Variants in CNN1 observed in about 807,000 individuals in gnomAD.
The protein encoded by CNN1 is calponin 1.
A neutral mutation model predicts 35.3 loss-of-function variants in CNN1; 21 were observed. That is an observed-to-expected ratio of 0.60 (90% CI 0.42 to 0.86). The LOEUF (loss-of-function observed/expected upper bound fraction) is 0.86. CNN1 is among the 40% of genes least tolerant of loss of function. The pLI, the probability that CNN1 is intolerant of heterozygous loss-of-function variation, is 0.00. For missense variants in CNN1, 314 were observed against 400.8 expected (o/e 0.78, Z 1.85); for synonymous variants, 164 against 161.8 (o/e 1.01, Z -0.10).
At chr19:11,544,307 T>C (rs758849022) in intron 2 of CNN1, among the ~76,000 whole-genome samples, 38 of 151,886 alleles carry the variant, frequency 2.5e-4, no homozygotes, top group Non-Finnish European at 4.0e-4. Flanking sequence ...TCAGGGGACC[T>C]GAGGCAAAGC....
At chr19:11,547,507 G>A (rs139243406) in intron 4 of CNN1, among the ~76,000 whole-genome samples, 224 of 152,256 alleles carry the variant, frequency 1.5e-3, no homozygotes, top group African/African-American at 5.2e-3. Context: ...TCAGGAGATT[G>A]AGACCATCCT....
chr19:11,539,705 T>TGACA, intron 1 of CNN1: 1 of 743,660 alleles, frequency 1.3e-6, no homozygotes, highest in Non-Finnish European at 2.0e-6. Flanking sequence ...CTGCCCCATT[T>TGACA]GACAGAGGGG....
chr19:11,542,919 C>T (rs1377343406), intron 2 of CNN1, among the ~76,000 whole-genome samples: 1 of 152,196 alleles, frequency 6.6e-6, no homozygotes, highest in Non-Finnish European at 1.5e-5. Flanking sequence ...CCAGCCTGCG[C>T]CCGATCTGCA....
intron 2 of CNN1, among the ~76,000 whole-genome samples, chr19:11,542,966 C>T (rs544860025): frequency 8.5e-5 from 13 of 152,276 alleles, no homozygotes; most frequent in Middle Eastern, 3.4e-3. Flanking sequence ...CTGTGAGTGG[C>T]CTCGGGAAGA....
intron 1 of CNN1, 122 bp from the exon 2 acceptor site, chr19:11,540,954 T>G (rs1972447890): frequency 9.0e-7 from 1 of 1,107,658 alleles, no homozygotes; most frequent in Non-Finnish European, 1.2e-6. Flanking sequence ...CAAAATTGCC[T>G]TAGTTGGGAA....
intron 2 of CNN1, among the ~76,000 whole-genome samples, chr19:11,546,252 G>A (rs1355315030): frequency 2.6e-5 from 4 of 152,178 alleles, no homozygotes; most frequent in Non-Finnish European, 4.4e-5. Context: ...GAGAAGTGAC[G>A]CTAGGGTATG....
intron 2 of CNN1, among the ~76,000 whole-genome samples, chr19:11,544,662 GTT>G (rs745637541): frequency 0.021 from 2,761 of 131,772 alleles, 25 homozygotes; most frequent in African/African-American, 0.041. Flanking sequence ...AAGTTTTCGG[GTT>G]TTTTTTTTTT....
intron 2 of CNN1, among the ~76,000 whole-genome samples, chr19:11,543,845 A>C (rs8112501): frequency 0.19 from 28,631 of 149,748 alleles, 5,334 homozygotes; most frequent in African/African-American, 0.49. Flanking sequence ...AGCAAACCAA[A>C]ATGGCACATG....
intron 4 of CNN1, among the ~76,000 whole-genome samples, chr19:11,547,415 C>A (rs1379166525): frequency 5.5e-5 from 8 of 146,530 alleles, no homozygotes; most frequent in African/African-American, 1.5e-4. Context: ...AAACAAAAAA[C>A]AAAAAACAGT....
intron 2 of CNN1, among the ~76,000 whole-genome samples, chr19:11,543,515 T>G (rs1341963948): frequency 6.6e-6 from 1 of 150,572 alleles, no homozygotes; most frequent in East Asian, 1.9e-4. Flanking sequence ...GCGCGGTGAC[T>G]CACGTCTGTA....
In CNN1 at chr19:11,541,163, A is replaced by G; in HGVS notation, c.151A>G (p.Met51Val). Residue 51 changes from methionine (M) to valine (V), a missense_variant, in exon 2 of 7, where the codon ATG becomes GTG. By Grantham distance (21) the Met-to-Val change is conservative. Coordinates refer to ENST00000252456, the MANE Select transcript of CNN1 (RefSeq NM_001299.6). ...VTGRRIGNNF[M>V]DGLKDGIILC... ...AGGCCGTCGCATCGGCAACAACTTC[A>G]TGGACGGCCTCAAAGATGGCATCAT... 2 of 1,602,542 alleles carry G rather than the reference A, an allele frequency of 1.2e-6. No individual in the cohort carries two copies. Among genetic ancestry groups the G allele is most frequent in the Non-Finnish European group, 1.7e-6 (2 of 1,174,014 alleles).
At chr19:11,545,798 CAAA>C (rs1030710214) in intron 2 of CNN1, among the ~76,000 whole-genome samples, 7 of 58,800 alleles carry the variant, frequency 1.2e-4, no homozygotes, top group African/African-American at 2.8e-4. Flanking sequence ...CCCTCTCTAC[CAAA>C]AAAAAAAAAA....
chr19:11,543,433 C>T lies in CNN1; in HGVS notation c.185+2236C>T, dbSNP rs148302075. ...TGTATACCTATGTATCAAACCTGCACGTTGTGCATGTGTACCCTAGAACTT... is the reference window on the plus strand; with the variant it reads ...TGTATACCTATGTATCAAACCTGCATGTTGTGCATGTGTACCCTAGAACTT... On this transcript the variant is annotated intron_variant, in intron 2 of 6. Coordinates refer to ENST00000252456, the MANE Select transcript of CNN1 (RefSeq NM_001299.6). 6.7e-5 allele frequency among the ~76,000 whole-genome samples: 10 copies of T among 149,648 alleles called. No homozygotes were observed. In the East Asian group the frequency reaches 1.8e-3, roughly 27 times the overall value.
chr19:11,544,526 C>G (rs1024010738), intron 2 of CNN1, among the ~76,000 whole-genome samples: 2 of 152,038 alleles, frequency 1.3e-5, no homozygotes, highest in Admixed American at 1.3e-4. Flanking sequence ...GGCTGGAGTA[C>G]AGCGGTGCAA....
At chr19:11,547,390 G>A (rs112634748) in intron 4 of CNN1, among the ~76,000 whole-genome samples, 16,068 of 142,352 alleles carry the variant, frequency 0.11, 1,878 homozygotes, top group African/African-American at 0.31. Flanking sequence ...CCAAGACTCC[G>A]TCTCAAAAAA....
rs753809316 is a variant in CNN1, at chr19:11,546,822, C to A, written c.253-10C>A. 1.9e-6 allele frequency: 3 copies of A among 1,614,246 alleles called. No homozygotes were observed. Among genetic ancestry groups the A allele is most frequent in the South Asian group, 1.1e-5 (1 of 91,086 alleles). On this transcript the variant is annotated splice_polypyrimidine_tract_variant and intron_variant, in intron 3 of 6. Coordinates refer to ENST00000252456, the MANE Select transcript of CNN1 (RefSeq NM_001299.6). The stretch of plus-strand genomic sequence containing the variant: ...TCCCCACCCAGTGACCACCACCTGC[C>A]CCCCTCTAGCTGGAGAACATCGGCA...
At chr19:11,543,555 C>T (rs966220401) in intron 2 of CNN1, among the ~76,000 whole-genome samples, 8 of 151,040 alleles carry the variant, frequency 5.3e-5, no homozygotes, top group Non-Finnish European at 8.8e-5. Context: ...CTGAGGCAGG[C>T]GGATCACGAG....
chr19:11,549,593 C>T lies in CNN1; in HGVS notation c.692C>T (p.Pro231Leu), dbSNP rs375681374. The T allele has an allele frequency of 1.5e-5, 24 of 1,604,490 alleles. No homozygotes were observed. The highest frequency in any genetic ancestry group is 9.0e-5 in the East Asian group (4 of 44,630). Reference protein sequence around the residue: ...APGTKRQIFEPGLGMEHCDTL... With the variant: ...APGTKRQIFELGLGMEHCDTL... ...GGGACCAAGCGGCAGATCTTCGAGC[C>T]GGGGCTGGGCATGGAGCACTGCGAC... The change falls in exon 7 of 7, where the codon CCG becomes CTG. Residue 231 changes from proline to leucine, a missense_variant. Transcript: ENST00000252456. The surrounding 1 kb of genome is among the most constrained non-coding windows in gnomAD (Gnocchi z 5.2).
rs780599339 is a variant in CNN1, at chr19:11,538,902, G to GCCC, written c.-23_-21dup. ...TGTTCTCAGCGTCAGTGCCGCCACT[G>GCCC]CCCCCGCCAGAGCCCACCGGCCAGC... On this transcript the variant is annotated 5_prime_UTR_variant, in exon 1 of 7. Transcript: ENST00000252456. 2 of 1,527,714 alleles carry GCCC rather than the reference G, an allele frequency of 1.3e-6. No homozygotes were observed. The highest frequency in any genetic ancestry group is 2.5e-5 in the South Asian group (2 of 80,050). 94.6% of individuals were successfully genotyped at this position (1,527,714 alleles called of 1,614,324 possible). A position where few individuals can be genotyped will look rare whatever the true frequency, so the allele number is the denominator to read the frequency against.
Sources: allele counts gnomAD v4.1 joint callset (sites outside exome capture counted in the v4.1 genomes callset), GRCh38; gene constraint gnomAD v4.1.1; non-coding constraint Gnocchi (gnomAD v3.1); transcripts MANE v1.5; gene names NCBI Gene and HGNC (gene_info 2026-07-23, HGNC 2026-07-21).